Variants in METAP1 observed in about 807,000 individuals in gnomAD.
The protein encoded by METAP1 is methionine aminopeptidase 1.
A neutral mutation model predicts 53.8 loss-of-function variants in METAP1; 28 were observed. The ratio of observed to expected loss-of-function variants is 0.52; its 90% confidence interval spans 0.39 to 0.71. METAP1 has a LOEUF of 0.71. METAP1 is among the 30% of genes least tolerant of loss of function. The probability of loss-of-function intolerance (pLI) is 0.00; values close to 1 mark genes in which losing one functional copy is unlikely to be tolerated. For synonymous variants in METAP1, 181 were observed against 165.7 expected, an observed-to-expected ratio of 1.09 and a Z score of -0.71; for missense variants, 389 against 479.8, an observed-to-expected ratio of 0.81 and a Z score of 1.77.
intron 1 of METAP1, among the ~76,000 whole-genome samples, chr4:99,012,896 C>T (rs940149794): frequency 6.6e-6 from 1 of 151,926 alleles, no homozygotes; most frequent in African/African-American, 2.4e-5. Flanking sequence ...TGGGGTCTTC[C>T]AGGTCATAGG....
chr4:99,022,547 A>G, intron 1 of METAP1: 1 of 635,718 alleles, frequency 1.6e-6, no homozygotes, highest in Non-Finnish European at 2.9e-6. Flanking sequence ...ACAGCAAGAA[A>G]GCATTGTCCC....
intron 1 of METAP1, among the ~76,000 whole-genome samples, chr4:99,025,123 G>C (rs1579276923): frequency 6.6e-6 from 1 of 152,228 alleles, no homozygotes; most frequent in Non-Finnish European, 1.5e-5. Flanking sequence ...ACCTCCTGCT[G>C]TGTGGGCTGG....
chr4:99,048,606 G>A, intron 8 of METAP1, 127 bp from the exon 9 acceptor site: 2 of 1,013,256 alleles, frequency 2.0e-6, no homozygotes, highest in Non-Finnish European at 2.9e-6. Flanking sequence ...CTGAGCTCAG[G>A]CGATCTTCCT....
chr4:99,058,027 G>A (rs368231086), intron 10 of METAP1, among the ~76,000 whole-genome samples: 24 of 152,192 alleles, frequency 1.6e-4, no homozygotes, highest in African/African-American at 5.3e-4. Flanking sequence ...CTTCTGTCAG[G>A]AGATGCTGAA....
chr4:99,028,744 G>A (rs998776060), intron 1 of METAP1, 123 bp from the exon 2 acceptor site: 12 of 558,758 alleles, frequency 2.1e-5, no homozygotes, highest in Non-Finnish European at 3.3e-5. Context: ...TATTTAATTC[G>A]CAAAGTTACA....
chr4:99,007,054 C>T (rs1723209709), intron 1 of METAP1, among the ~76,000 whole-genome samples: 1 of 151,656 alleles, frequency 6.6e-6, no homozygotes, highest in Non-Finnish European at 1.5e-5. Flanking sequence ...ACCTCCTGAG[C>T]TCAAGTGATG....
chr4:99,057,074 A>G (rs1727195773), intron 9 of METAP1, among the ~76,000 whole-genome samples: 1 of 152,226 alleles, frequency 6.6e-6, no homozygotes, highest in Non-Finnish European at 1.5e-5. Context: ...CATGTTGGCC[A>G]GGCTGGTCTC....
intron 4 of METAP1, among the ~76,000 whole-genome samples, chr4:99,037,263 CGTTT>C (rs1397465548): frequency 3.3e-5 from 5 of 150,768 alleles, no homozygotes; most frequent in Non-Finnish European, 5.9e-5. Flanking sequence ...ACCAATTGAC[CGTTT>C]GTTTTGTCAT....
chr4:99,026,722 G>A (rs965733682), intron 1 of METAP1: 4 of 985,406 alleles, frequency 4.1e-6, no homozygotes, highest in Non-Finnish European at 3.6e-6. Flanking sequence ...GAGTGAAGTT[G>A]TGGTTTAGAG....
chr4:99,020,044 G>T (rs1723996009), intron 1 of METAP1, among the ~76,000 whole-genome samples: 3 of 151,990 alleles, frequency 2.0e-5, no homozygotes, highest in African/African-American at 7.3e-5. Flanking sequence ...TTCCATTGTG[G>T]GTCCCGAGCA....
chr4:99,051,117 T>C (rs1726665617), intron 9 of METAP1, among the ~76,000 whole-genome samples: 1 of 152,148 alleles, frequency 6.6e-6, no homozygotes, highest in Non-Finnish European at 1.5e-5. Flanking sequence ...GGTGTGTGTA[T>C]GTAAGAGTAT....
At chr4:99,045,478 C>T (rs1325075086) in intron 8 of METAP1, among the ~76,000 whole-genome samples, 168 bp downstream of exon 8, 1 of 152,148 alleles carries the variant, frequency 6.6e-6, no homozygotes, top group African/African-American at 2.4e-5. Context: ...CTGGGAATCT[C>T]TTGGTGGTGA....
At chr4:99,021,923 C>T (rs1429580049) in intron 1 of METAP1, among the ~76,000 whole-genome samples, 1 of 152,174 alleles carries the variant, frequency 6.6e-6, no homozygotes, top group Admixed American at 6.5e-5. Context: ...TGGGAATATA[C>T]ACATCCTAAC....
intron 1 of METAP1, chr4:99,022,760 A>G (rs933964478): frequency 5.0e-5 from 80 of 1,602,238 alleles, no homozygotes; most frequent in Non-Finnish European, 6.6e-5. Flanking sequence ...CGTGTTGTGT[A>G]GACTGGCCGC....
intron 1 of METAP1, among the ~76,000 whole-genome samples, chr4:98,999,125 G>A (rs1227006146): frequency 6.6e-6 from 1 of 152,100 alleles, no homozygotes; most frequent in Admixed American, 6.6e-5. Flanking sequence ...CTGTTTTTTA[G>A]TCGGAAGGTG....
At chr4:99,004,946 C>G (rs1489205998) in intron 1 of METAP1, among the ~76,000 whole-genome samples, 1 of 151,978 alleles carries the variant, frequency 6.6e-6, no homozygotes, top group Non-Finnish European at 1.5e-5. Context: ...TGGGTTGTTA[C>G]GGTTTTTCTA....
chr4:99,053,853 T>C (rs1410809023), intron 9 of METAP1, among the ~76,000 whole-genome samples: 7 of 151,396 alleles, frequency 4.6e-5, no homozygotes. Flanking sequence ...CTCTGAGCAG[T>C]AGGTTTCAGC....
At chr4:99,038,612 T>C (rs982643894) in intron 4 of METAP1, among the ~76,000 whole-genome samples, 1 of 152,086 alleles carries the variant, frequency 6.6e-6, no homozygotes, top group Non-Finnish European at 1.5e-5. Context: ...TAAATAAGAT[T>C]AGTTGACATT....
intron 10 of METAP1, 147 bp downstream of exon 10, chr4:99,057,965 G>T: frequency 1.5e-6 from 1 of 682,710 alleles, no homozygotes; most frequent in South Asian, 1.9e-5. Context: ...GTATCGTGAA[G>T]AACTGAAAAT....
Sources: gnomAD v4.1 joint callset for allele counts (sites outside exome capture counted in the v4.1 genomes callset) on GRCh38, gnomAD v4.1.1 for gene constraint, MANE v1.5 for transcripts, NCBI Gene and HGNC (gene_info 2026-07-23, HGNC 2026-07-21) for gene names.